DACH2: variants seen among roughly 807,000 people sequenced by gnomAD.
DACH2 encodes the protein dachshund homolog 2.
DACH2 carries 17 observed loss-of-function variants against 35.8 expected under a neutral mutation model. That is an observed-to-expected ratio of 0.48 (90% CI 0.33 to 0.71). The LOEUF is 0.71. DACH2 is among the 30% of genes least tolerant of loss of function. The pLI is 0.02. For synonymous variants in DACH2, 195 were observed against 177.3 expected, an observed-to-expected ratio of 1.10 and a Z score of -0.79; for missense variants, 469 against 472.7, an observed-to-expected ratio of 0.99 and a Z score of 0.07.
chrX:86,782,816 G>A (rs1485951447), intron 7 of DACH2, among the ~76,000 whole-genome samples: 3 of 111,089 alleles, frequency 2.7e-5, no homozygotes, highest in African/African-American at 9.8e-5. Flanking sequence ...CTACAGGAGA[G>A]CTTTGGAGAA....
chrX:86,465,609 A>G (rs959563721), intron 2 of DACH2, among the ~76,000 whole-genome samples: 1 of 112,116 alleles, frequency 8.9e-6, no homozygotes, highest in African/African-American at 3.2e-5. Flanking sequence ...ACTGGCTTTT[A>G]AAAGATGGCT....
intron 6 of DACH2, among the ~76,000 whole-genome samples, chrX:86,724,991 T>A (rs1285735283): frequency 9.3e-6 from 1 of 107,492 alleles, no homozygotes; most frequent in African/African-American, 3.4e-5. Flanking sequence ...ATGTACTTTA[T>A]ATATCCTTCA....
At chrX:86,770,134 A>G (rs764064635) in intron 7 of DACH2, among the ~76,000 whole-genome samples, 13 of 108,342 alleles carry the variant, frequency 1.2e-4, no homozygotes, top group African/African-American at 3.4e-4. Flanking sequence ...AAAGCGCACA[A>G]AGACATTCAT....
At chrX:86,452,979 C>CT (rs1352465108) in intron 2 of DACH2, among the ~76,000 whole-genome samples, 1 of 111,316 alleles carries the variant, frequency 9.0e-6, no homozygotes, top group Non-Finnish European at 1.9e-5. Flanking sequence ...CCTCTTAACA[C>CT]TTTTTTAGCT....
chrX:86,362,459 A>G (rs2035752261), intron 1 of DACH2, among the ~76,000 whole-genome samples: 1 of 111,721 alleles, frequency 9.0e-6, no homozygotes, highest in Non-Finnish European at 1.9e-5. Context: ...GAAAGAAATC[A>G]AAACAAATTT....
chrX:86,489,597 CAT>C (rs1203360957), intron 2 of DACH2, among the ~76,000 whole-genome samples: 1 of 111,179 alleles, frequency 9.0e-6, no homozygotes, highest in Non-Finnish European at 1.9e-5. Flanking sequence ...ACAATGTAAA[CAT>C]GTATCAAAAT....
intron 3 of DACH2, among the ~76,000 whole-genome samples, chrX:86,552,026 T>C (rs2039056397): frequency 8.9e-6 from 1 of 111,978 alleles, no homozygotes; most frequent in Non-Finnish European, 1.9e-5. Flanking sequence ...CTATCTAAAG[T>C]GTTTTTGTTT....
chrX:86,672,891 G>A (rs972465174), intron 4 of DACH2, among the ~76,000 whole-genome samples: 1 of 111,769 alleles, frequency 8.9e-6, no homozygotes, highest in Non-Finnish European at 1.9e-5. Flanking sequence ...CTTGCATTGT[G>A]CACCTGGAAA....
Position 86,241,401 on chromosome X carries a change from T to C in DACH2, c.488+92293T>C, listed in dbSNP as rs1052433369. Among the ~76,000 whole-genome samples, 3 of 111,654 alleles carry C rather than the reference T, an allele frequency of 2.7e-5. No homozygotes were observed. The East Asian group carries it at 8.4e-4, about 31-fold the overall frequency. On this transcript the variant is annotated intron_variant, in intron 1 of 11. Transcript: ENST00000373125. ...AACTTGAGAGAGATGAATCAGGGTATATGGAGGAAGAAATTTCTAAACAGC... is the reference window on the plus strand; with the variant it reads ...AACTTGAGAGAGATGAATCAGGGTACATGGAGGAAGAAATTTCTAAACAGC...
rs190761740 is a variant in DACH2 at position 86,496,056 on chromosome X, A to T, written c.528-18223A>T. 7.2e-5 allele frequency among the ~76,000 whole-genome samples: 8 copies of T among 111,241 alleles called. No homozygotes were observed. In the East Asian group the frequency reaches 1.7e-3, roughly 24 times the overall value. On this transcript the variant is annotated intron_variant, in intron 2 of 11. Transcript: ENST00000373125. ...CAGTGCTTTGCACATAATAAGTGTG[A>T]CGTGCTTATTATCTTTACACTATGG...
Position 86,826,408 on chromosome X carries a change from A to C in DACH2, c.1751-5698A>C, listed in dbSNP as rs7050076. 9.1e-3 allele frequency among the ~76,000 whole-genome samples: 1,018 copies of C among 111,437 alleles called. 5 individuals are homozygous for C. Among genetic ancestry groups the C allele is most frequent in the African/African-American group, 0.031 (958 of 30,734 alleles). On this transcript the variant is annotated intron_variant, in intron 11 of 11. Coordinates refer to ENST00000373125, the MANE Select transcript of DACH2 (RefSeq NM_053281.3). ...TTGTAAGTCAGATATTTTTAAGGCT[A>C]ATGAGCCCAAATGGTTATTTTCAAG...
At chrX:86,687,870 C>T (rs1163490081) in intron 4 of DACH2, among the ~76,000 whole-genome samples, 4 of 106,826 alleles carry the variant, frequency 3.7e-5, no homozygotes, top group East Asian at 3.0e-4. Context: ...GGGAGGGGAA[C>T]ATCACACACT....
chrX:86,520,304 C>T (rs774930117), intron 3 of DACH2, among the ~76,000 whole-genome samples: 3 of 111,169 alleles, frequency 2.7e-5, no homozygotes, highest in Non-Finnish European at 3.8e-5. Flanking sequence ...AAAAATTTGT[C>T]GAGGATTGTT....
intron 3 of DACH2, among the ~76,000 whole-genome samples, chrX:86,575,686 T>C (rs938256369): frequency 8.9e-6 from 1 of 111,891 alleles, no homozygotes; most frequent in Non-Finnish European, 1.9e-5. Context: ...GCTACTTGTA[T>C]ACACAAGTGC....
chrX:86,164,739 G>A (rs2030883008), intron 1 of DACH2, among the ~76,000 whole-genome samples: 1 of 110,825 alleles, frequency 9.0e-6, no homozygotes, highest in South Asian at 3.9e-4. Context: ...AGATCAGGTG[G>A]TTGTAGGTGT....
intron 3 of DACH2, among the ~76,000 whole-genome samples, chrX:86,551,251 A>G (rs975377990): frequency 4.5e-5 from 5 of 111,804 alleles, no homozygotes; most frequent in Admixed American, 9.5e-5. Context: ...CATGATGTTC[A>G]TAGCCCTTGG....
intron 3 of DACH2, among the ~76,000 whole-genome samples, chrX:86,527,312 C>T (rs2038647939): frequency 8.9e-6 from 1 of 111,758 alleles, no homozygotes; most frequent in Admixed American, 9.5e-5. Flanking sequence ...AGATAGTGAG[C>T]ATACTCATTT....
At chrX:86,824,346 G>T (rs751728368) in intron 11 of DACH2, among the ~76,000 whole-genome samples, 3 of 111,586 alleles carry the variant, frequency 2.7e-5, no homozygotes, top group Non-Finnish European at 5.6e-5. Flanking sequence ...GCTCTATTTT[G>T]CCCAACCCCA....
chrX:86,546,404 C>CTTCCTTCTTCTTCCTT (rs774988785), intron 3 of DACH2, among the ~76,000 whole-genome samples: 2 of 21,689 alleles, frequency 9.2e-5, no homozygotes, highest in Admixed American at 6.8e-4. Context: ...TCTTCTTCTT[C>CTTCCTTCTTCTTCCTT]CTTCTTCTTC....
Sources: allele counts gnomAD v4.1 joint callset (sites outside exome capture counted in the v4.1 genomes callset), GRCh38; gene constraint gnomAD v4.1.1; transcripts MANE v1.5; gene names NCBI Gene and HGNC (gene_info 2026-07-23, HGNC 2026-07-21).